The following CHN1 variants were observed in gnomAD, a reference collection of about 807,000 sequenced individuals.
The protein encoded by CHN1 is chimerin 1.
In CHN1, 37 loss-of-function variants were observed where a neutral mutation model predicts 59.5. The ratio of observed to expected loss-of-function variants is 0.62; its 90% CI spans 0.48 to 0.82. The LOEUF is 0.82. Among genes scored for constraint, CHN1 ranks in the 40% least tolerant of loss-of-function variants. CHN1 has a pLI of 0.00. For synonymous variants in CHN1, 206 were observed against 200.4 expected (o/e 1.03, Z -0.24); for missense variants, 469 against 571.0 (o/e 0.82, Z 1.82).
At chr2:174,852,284 C>T (rs1558952794) in intron 6 of CHN1, among the ~76,000 whole-genome samples, 2 of 151,486 alleles carry the variant, frequency 1.3e-5, no homozygotes, top group Admixed American at 6.6e-5. Context: ...GATTCTGTCT[C>T]AAAAAAACAA....
intron 1 of CHN1, among the ~76,000 whole-genome samples, chr2:174,968,673 C>T (rs1690664816): frequency 6.6e-6 from 1 of 152,208 alleles, no homozygotes; most frequent in African/African-American, 2.4e-5. Flanking sequence ...CTTGCTGACA[C>T]TTGCATGCAA....
chr2:174,832,414 T>C (rs531296564), intron 7 of CHN1, among the ~76,000 whole-genome samples: 18 of 152,052 alleles, frequency 1.2e-4, no homozygotes, highest in Non-Finnish European at 2.4e-4. Context: ...CTTAAGACCT[T>C]TTTTCTCCCT....
intron 3 of CHN1, among the ~76,000 whole-genome samples, chr2:174,922,775 AT>A (rs1322415727): frequency 1.3e-5 from 2 of 152,234 alleles, no homozygotes; most frequent in Non-Finnish European, 2.9e-5. Context: ...AACTAACCTG[AT>A]TTATAATGTA....
chr2:174,955,678 A>G (rs952950117), intron 1 of CHN1, among the ~76,000 whole-genome samples: 12 of 152,156 alleles, frequency 7.9e-5, no homozygotes, highest in African/African-American at 2.9e-4. Flanking sequence ...ATAAAATAAA[A>G]TGTGGTATGT....
At chr2:174,953,031 A>C (rs1690074600) in intron 1 of CHN1, among the ~76,000 whole-genome samples, 1 of 152,210 alleles carries the variant, frequency 6.6e-6, no homozygotes, top group African/African-American at 2.4e-5. Context: ...TCTGCCTGCA[A>C]GACTATATAG....
intron 5 of CHN1, among the ~76,000 whole-genome samples, chr2:174,900,720 G>A (rs1169316398): frequency 6.6e-6 from 1 of 151,856 alleles, no homozygotes; most frequent in Non-Finnish European, 1.5e-5. Context: ...CAGGAGAATC[G>A]CTTGAACCCA....
intron 3 of CHN1, among the ~76,000 whole-genome samples, chr2:174,940,588 A>C (rs1689629135): frequency 6.6e-6 from 1 of 152,076 alleles, no homozygotes; most frequent in Non-Finnish European, 1.5e-5. Context: ...TGTCTTATGG[A>C]AGGTACACAT....
chr2:175,004,734 G>A (rs1219657529), intron 1 of CHN1, among the ~76,000 whole-genome samples, 160 bp downstream of exon 1: 3 of 151,422 alleles, frequency 2.0e-5, no homozygotes, highest in Admixed American at 6.6e-5. Context: ...AGGCGCGAGG[G>A]AGCAAGCCGG....
rs187299150 is a variant in CHN1, at chr2:174,834,233, C to T, written c.628-9715G>A. On this transcript the variant is annotated intron_variant, in intron 7 of 12. Transcript: ENST00000409900. ...TCTACTCTACATTACTGTTGTCATA[C>T]ATTTTGCTTGTATAAACTACATAAT... Among the ~76,000 whole-genome samples the T allele has an allele frequency of 4.5e-3, 678 of 152,320 alleles. 5 individuals are homozygous for T. Among genetic ancestry groups the T allele is most frequent in the African/African-American group, 0.015 (638 of 41,560 alleles).
intron 7 of CHN1, among the ~76,000 whole-genome samples, chr2:174,836,256 C>T (rs1427531470): frequency 6.6e-6 from 1 of 152,186 alleles, no homozygotes; most frequent in African/African-American, 2.4e-5. Flanking sequence ...TTCTATACTA[C>T]CTATTGATCA....
chr2:174,957,656 G>C (rs1427467121), intron 1 of CHN1, among the ~76,000 whole-genome samples: 2 of 152,098 alleles, frequency 1.3e-5, no homozygotes, highest in Non-Finnish European at 2.9e-5. Context: ...CATATTCTAT[G>C]TGTGTCTCCA....
chr2:174,906,096 A>T (rs1688535177), intron 5 of CHN1, among the ~76,000 whole-genome samples: 1 of 152,172 alleles, frequency 6.6e-6, no homozygotes, highest in Non-Finnish European at 1.5e-5. Flanking sequence ...AATACGACCC[A>T]GCAACTTCAC....
chr2:174,886,033 T>C (rs1370177710), intron 5 of CHN1, among the ~76,000 whole-genome samples: 3 of 152,222 alleles, frequency 2.0e-5, no homozygotes, highest in Non-Finnish European at 2.9e-5. Context: ...TGAAATCTTA[T>C]TATAAATGAG....
chr2:175,004,997 ACCTCGGAGAGAG>A lies in CHN1; in HGVS notation c.-97_-86del. 6.8e-7 allele frequency: 1 copy of A among 1,471,238 alleles called. No individual in the cohort carries two copies. The highest frequency in any genetic ancestry group is 9.0e-7 in the Non-Finnish European group (1 of 1,110,024). The allele number at this position is 1,471,238 out of a possible 1,614,324, so 91.1% of individuals were successfully genotyped here. ...CACCTCATCAGCCCGCCGCACCCACACCTCGGAGAGAGTGGGGTGCCCGATGGGGCGTGCTGG... is the reference window on the plus strand; with the variant it reads ...CACCTCATCAGCCCGCCGCACCCACATGGGGTGCCCGATGGGGCGTGCTGG... On this transcript the variant is annotated 5_prime_UTR_variant, in exon 1 of 13. It adds an upstream start codon to the 5' untranslated region. Coordinates refer to ENST00000409900, the MANE Select transcript of CHN1 (RefSeq NM_001822.7).
At chr2:174,972,651 G>A (rs979187922) in intron 1 of CHN1, among the ~76,000 whole-genome samples, 4 of 152,164 alleles carry the variant, frequency 2.6e-5, no homozygotes, top group African/African-American at 9.7e-5. Flanking sequence ...AGAAAGTAAA[G>A]TGAGATCTTG....
In CHN1 at chr2:174,938,165, T is replaced by C. The variant is rs1047978815; in HGVS notation, c.114+6723A>G. On this transcript the variant is annotated intron_variant, in intron 3 of 12. Transcript: ENST00000409900. ...CCACACCTGGCTCACAGTTAAATAC[T>C]TAAGGGTGAACATCAAATGGTACTT... Among the ~76,000 whole-genome samples the C allele has an allele frequency of 2.6e-5, 4 of 152,286 alleles. No individual in the cohort carries two copies. The South Asian group carries it at 6.2e-4, about 24-fold the overall frequency.
At chr2:174,827,998 T>G (rs1287511509) in intron 7 of CHN1, among the ~76,000 whole-genome samples, 1 of 152,110 alleles carries the variant, frequency 6.6e-6, no homozygotes, top group Non-Finnish European at 1.5e-5. Flanking sequence ...GGAGACAGAA[T>G]CCAGGGCAGA....
At chr2:174,820,186 T>C (rs562573618) in intron 8 of CHN1, among the ~76,000 whole-genome samples, 1 of 152,294 alleles carries the variant, frequency 6.6e-6, no homozygotes, top group South Asian at 2.1e-4. Flanking sequence ...ATATACCCAG[T>C]AATGGGATGG....
chr2:174,950,278 T>G (rs77231417), intron 2 of CHN1, among the ~76,000 whole-genome samples: 10 of 151,762 alleles, frequency 6.6e-5, no homozygotes, highest in Non-Finnish European at 1.2e-4. Flanking sequence ...CTTTTTTTTT[T>G]GACATAGTTT....
Sources: gnomAD v4.1 joint callset for allele counts (sites outside exome capture counted in the v4.1 genomes callset) on GRCh38, gnomAD v4.1.1 for gene constraint, MANE v1.5 for transcripts, NCBI Gene and HGNC (gene_info 2026-07-23, HGNC 2026-07-21) for gene names.